GPATCH2L: variants seen among roughly 807,000 people sequenced by gnomAD.
GPATCH2L encodes the protein G patch domain-containing protein 2-like.
Under a neutral mutation model 57.4 loss-of-function variants are expected in GPATCH2L, and 31 were observed. The ratio of observed to expected loss-of-function variants is 0.54; its 90% CI spans 0.41 to 0.73. The LOEUF (loss-of-function observed/expected upper bound fraction) is 0.73. Ranked by LOEUF, GPATCH2L falls within the 30% of genes least tolerant of loss-of-function variation. The probability of loss-of-function intolerance (pLI) is 0.00; values close to 1 mark genes in which losing one functional copy is unlikely to be tolerated. For missense variants in GPATCH2L, 481 were observed against 599.9 expected, an observed-to-expected ratio of 0.80 and a Z score of 2.07; for synonymous variants, 199 against 210.7, an observed-to-expected ratio of 0.94 and a Z score of 0.48.
intron 8 of GPATCH2L, among the ~76,000 whole-genome samples, chr14:76,190,573 G>A (rs1006545053): frequency 6.6e-6 from 1 of 152,066 alleles, no homozygotes; most frequent in African/African-American, 2.4e-5. Flanking sequence ...AACAGGCATA[G>A]CCTGTCTTTT....
chr14:76,171,129 A>T (rs2039061772), intron 3 of GPATCH2L, among the ~76,000 whole-genome samples: 1 of 152,132 alleles, frequency 6.6e-6, no homozygotes, highest in Admixed American at 6.5e-5. Context: ...ATCAAGAAGG[A>T]CCAGAACAAT....
At chr14:76,152,626 C>G in intron 1 of GPATCH2L, 1 of 455,704 alleles carries the variant, frequency 2.2e-6, no homozygotes, top group Non-Finnish European at 4.4e-6. Context: ...GCATCCGCGA[C>G]TGGAGATGGG....
At chr14:76,162,363 GA>G (rs965218831) in intron 2 of GPATCH2L, among the ~76,000 whole-genome samples, 5 of 152,298 alleles carry the variant, frequency 3.3e-5, no homozygotes, top group Admixed American at 6.5e-5. Context: ...AGTGATCTGA[GA>G]GGGGTGGGGA....
At chr14:76,191,107 G>C (rs1366386844) in intron 8 of GPATCH2L, among the ~76,000 whole-genome samples, 1 of 152,028 alleles carries the variant, frequency 6.6e-6, no homozygotes, top group Non-Finnish European at 1.5e-5. Context: ...GTGTTGGTGA[G>C]AAAGGGAAGT....
chr14:76,174,048 C>A lies in GPATCH2L; in HGVS notation c.984+423C>A, dbSNP rs866118422. On this transcript the variant is annotated intron_variant, in intron 5 of 9. Coordinates refer to ENST00000261530, the MANE Select transcript of GPATCH2L (RefSeq NM_017926.4). ...CCTAGAATTCATTAAAAAAAAAAAA[C>A]AAAACTGTTACTGAGTTTCAAGAGC... 1.3e-3 allele frequency: 219 copies of A among 172,632 alleles called. 2 individuals are homozygous for A. The Middle Eastern group carries it at 0.016, about 13-fold the overall frequency. 10.7% of individuals were successfully genotyped at this position (172,632 alleles called of 1,614,324 possible).
intron 2 of GPATCH2L, among the ~76,000 whole-genome samples, chr14:76,164,154 T>G (rs2038723215): frequency 6.6e-6 from 1 of 152,334 alleles, no homozygotes; most frequent in South Asian, 2.1e-4. Flanking sequence ...TGTTGACTGC[T>G]GCATCCAGCT....
At chr14:76,189,912 A>G (rs1014130549) in intron 8 of GPATCH2L, among the ~76,000 whole-genome samples, 1 of 152,040 alleles carries the variant, frequency 6.6e-6, no homozygotes, top group Non-Finnish European at 1.5e-5. Flanking sequence ...TATTCTATAT[A>G]AAAAGATGAA....
At chr14:76,184,014 C>T (rs1414652513) in intron 8 of GPATCH2L, among the ~76,000 whole-genome samples, 1 of 142,506 alleles carries the variant, frequency 7.0e-6, no homozygotes, top group East Asian at 2.1e-4. Context: ...TCACATGCAT[C>T]ATTAGCATGG....
At chr14:76,177,827 C>A in intron 6 of GPATCH2L, 161 bp from the exon 7 acceptor site, 1 of 956,616 alleles carries the variant, frequency 1.0e-6, no homozygotes, top group Non-Finnish European at 1.7e-6. Flanking sequence ...CTTCTTCTCC[C>A]TTCTGTAATT....
intron 3 of GPATCH2L, among the ~76,000 whole-genome samples, chr14:76,168,426 C>T (rs1457518948): frequency 6.6e-6 from 1 of 152,192 alleles, no homozygotes; most frequent in African/African-American, 2.4e-5. Flanking sequence ...AGTGGCTTCT[C>T]ACAGTTTACC....
chr14:76,192,330 A>G (rs1594979467), intron 8 of GPATCH2L, among the ~76,000 whole-genome samples: 2 of 152,154 alleles, frequency 1.3e-5, no homozygotes, highest in East Asian at 1.9e-4. Flanking sequence ...TCCTGTTATA[A>G]CAGTTTGATC....
intron 2 of GPATCH2L, among the ~76,000 whole-genome samples, chr14:76,162,328 A>G (rs559255946): frequency 1.3e-5 from 2 of 152,196 alleles, no homozygotes; most frequent in Admixed American, 6.5e-5. Context: ...TCTGTAGGAC[A>G]TGGTAGTTGG....
chr14:76,165,983 GCA>G (rs1046657247), intron 2 of GPATCH2L, among the ~76,000 whole-genome samples: 2 of 152,194 alleles, frequency 1.3e-5, no homozygotes, highest in African/African-American at 4.8e-5. Flanking sequence ...AAATTTAGAA[GCA>G]CACCATGAGA....
At chr14:76,198,867 A>G (rs1032248273) in intron 9 of GPATCH2L, among the ~76,000 whole-genome samples, 5 of 152,164 alleles carry the variant, frequency 3.3e-5, no homozygotes, top group African/African-American at 9.7e-5. Context: ...CCCACTGGTT[A>G]TTTGTTGTAA....
downstream of GPATCH2L, among the ~76,000 whole-genome samples, chr14:76,219,313 T>C (rs1273763693): frequency 1.3e-5 from 2 of 152,122 alleles, no homozygotes; most frequent in Non-Finnish European, 2.9e-5. Context: ...AGACATGTAA[T>C]AGAAGAGAAA....
intron 2 of GPATCH2L, among the ~76,000 whole-genome samples, chr14:76,156,553 A>G (rs186309311): frequency 1.4e-3 from 206 of 152,308 alleles, no homozygotes; most frequent in African/African-American, 4.8e-3. Context: ...CCCTCATCAG[A>G]CTATTTTTAA....
At chr14:76,162,006 A>G (rs1481740540) in intron 2 of GPATCH2L, among the ~76,000 whole-genome samples, 1 of 152,226 alleles carries the variant, frequency 6.6e-6, no homozygotes, top group Non-Finnish European at 1.5e-5. Flanking sequence ...ACTGCACTCC[A>G]GCCTGGGTGA....
At position 76,171,898 on chromosome 14, in the gene GPATCH2L, T is replaced by G; in HGVS notation, c.783T>G (p.Thr261=). The G allele has an allele frequency of 6.2e-7, 1 of 1,609,754 alleles. No individual in the cohort carries two copies. The highest frequency in any genetic ancestry group is 8.5e-7 in the Non-Finnish European group (1 of 1,176,738). ...FYEGECVPGF[T]VPNLLPKWAP... ...AAGGAGAATGTGTCCCAGGATTCAC[T>G]GTCCCTAATCTTCTGCCCAAGTGGG... The change falls in exon 4 of 10, where the codon ACT becomes ACG. Residue 261 remains threonine (T), a synonymous_variant. Transcript: ENST00000261530.
At chr14:76,185,445 T>C (rs1279649906) in intron 8 of GPATCH2L, among the ~76,000 whole-genome samples, 4 of 152,226 alleles carry the variant, frequency 2.6e-5, no homozygotes. Context: ...TTTTTCTTAC[T>C]ATTATTACCA....
Sources: allele counts gnomAD v4.1 joint callset (sites outside exome capture counted in the v4.1 genomes callset), GRCh38; gene constraint gnomAD v4.1.1; transcripts MANE v1.5; gene names NCBI Gene and HGNC (gene_info 2026-07-23, HGNC 2026-07-21).